The following RAVER2 variants were observed in gnomAD, a reference collection of about 807,000 sequenced individuals.
RAVER2 encodes the protein ribonucleoprotein, PTB binding 2.
A neutral mutation model predicts 78.1 loss-of-function variants in RAVER2; 46 were observed. The observed-to-expected ratio is 0.59, with a 90% CI of 0.46 to 0.75. The LOEUF (loss-of-function observed/expected upper bound fraction) is 0.75. Among genes scored for constraint, RAVER2 ranks in the 30% least tolerant of loss-of-function variants. The pLI, the probability that RAVER2 is intolerant of heterozygous loss-of-function variation, is 0.00. For missense variants in RAVER2, 793 were observed against 837.5 expected (o/e 0.95, Z 0.66); for synonymous variants, 311 against 313.3 (o/e 0.99, Z 0.08).
intron 1 of RAVER2, among the ~76,000 whole-genome samples, chr1:64,748,140 C>T (rs115442754): frequency 0.025 from 3,819 of 152,038 alleles, 54 homozygotes; most frequent in Non-Finnish European, 0.04. Context: ...ATAGAAGTAC[C>T]GGCTCTAAAA....
At chr1:64,804,763 A>G in exon 7 of RAVER2, 1 of 1,533,238 alleles carries the variant, frequency 6.5e-7, no homozygotes, top group Non-Finnish European at 9.0e-7. Context: ...CTTCTAATTT[A>G]TTCCTTCAGA....
exon 12 of RAVER2, chr1:64,832,298 T>G (rs1654166226): frequency 6.6e-6 from 1 of 152,508 alleles, no homozygotes; most frequent in Non-Finnish European, 1.5e-5. Flanking sequence ...GCTTTCTCTC[T>G]CACTCTTTTT....
chr1:64,789,457 C>T (rs1401475340), exon 5 of RAVER2: 3 of 1,609,650 alleles, frequency 1.9e-6, no homozygotes, highest in Non-Finnish European at 2.5e-6. Context: ...TTTAAACAAC[C>T]CTGCCATGTT....
chr1:64,814,944 A>G, intron 11 of RAVER2, 104 bp downstream of exon 11: 2 of 1,031,318 alleles, frequency 1.9e-6, no homozygotes, highest in Non-Finnish European at 2.6e-6. Flanking sequence ...AACGTAGGCA[A>G]ATCAAATTGC....
intron 1 of RAVER2, among the ~76,000 whole-genome samples, chr1:64,752,464 T>C (rs1300752761): frequency 6.6e-6 from 1 of 152,194 alleles, no homozygotes; most frequent in African/African-American, 2.4e-5. Context: ...AGATAGTCTC[T>C]TTTAAAAGTT....
At chr1:64,755,634 C>T (rs1651830431) in intron 1 of RAVER2, among the ~76,000 whole-genome samples, 1 of 151,048 alleles carries the variant, frequency 6.6e-6, no homozygotes, top group South Asian at 2.1e-4. Context: ...CCTTTATTTC[C>T]TGGACTTTGG....
intron 1 of RAVER2, among the ~76,000 whole-genome samples, chr1:64,763,980 T>G (rs1652104569): frequency 6.6e-6 from 1 of 150,570 alleles, no homozygotes; most frequent in Admixed American, 6.6e-5. Context: ...TTAGCAATTC[T>G]ACTCCTTAGT....
intron 11 of RAVER2, among the ~76,000 whole-genome samples, chr1:64,830,524 C>T (rs187214249): frequency 8.7e-4 from 132 of 152,226 alleles, no homozygotes; most frequent in African/African-American, 2.7e-3. Flanking sequence ...ATTCTGAGTC[C>T]GTGGGTTTAA....
At chr1:64,806,592 C>T (rs574956734) in intron 8 of RAVER2, among the ~76,000 whole-genome samples, 4 of 152,168 alleles carry the variant, frequency 2.6e-5, no homozygotes, top group South Asian at 2.1e-4. Context: ...AAAAAAAGGG[C>T]TTGATTTGTA....
intron 11 of RAVER2, chr1:64,815,261 A>T (rs1251528058): frequency 6.6e-6 from 1 of 152,282 alleles, no homozygotes; most frequent in Non-Finnish European, 1.5e-5. Flanking sequence ...TTTATAGAAA[A>T]ATGCTGCTAA....
intron 8 of RAVER2, 106 bp downstream of exon 8, chr1:64,805,211 T>C: frequency 9.6e-7 from 1 of 1,045,958 alleles, no homozygotes; most frequent in Non-Finnish European, 1.4e-6. Flanking sequence ...AAATTTGAGT[T>C]TTATTTAGTC....
rs530850953 is a variant in RAVER2, at chr1:64,773,311, A to T, written c.317-4312A>T. On this transcript the variant is annotated intron_variant, in intron 2 of 11. Transcript: ENST00000294428. ...CATCAACCCGTCATCTACATTAGGT[A>T]TTTCTCCTAATGCTATCCCTCCCCC... is the stretch of plus-strand genomic sequence containing the variant. 8.2e-4 allele frequency among the ~76,000 whole-genome samples: 124 copies of T among 151,932 alleles called. 1 individual carries two copies. The highest frequency in any genetic ancestry group is 8.1e-3 in the Admixed American group (123 of 15,232).
chr1:64,787,341 A>T (rs1652809481), intron 4 of RAVER2, among the ~76,000 whole-genome samples: 1 of 151,956 alleles, frequency 6.6e-6, no homozygotes, highest in African/African-American at 2.4e-5. Context: ...GGTTGTGGGG[A>T]AGGGGATGGG....
chr1:64,758,256 A>G (rs755896284), intron 1 of RAVER2, among the ~76,000 whole-genome samples: 1 of 152,184 alleles, frequency 6.6e-6, no homozygotes, highest in Non-Finnish European at 1.5e-5. Context: ...ATGGTCCCCC[A>G]TATTTTCTAC....
intron 1 of RAVER2, among the ~76,000 whole-genome samples, chr1:64,755,734 T>TTG (rs1553151544): frequency 7.0e-6 from 1 of 142,236 alleles, no homozygotes; most frequent in African/African-American, 2.6e-5. Context: ...GTTTTTTTTT[T>TTG]TTTTTTTTTT....
chr1:64,801,740 G>A (rs1471538839), intron 5 of RAVER2, among the ~76,000 whole-genome samples: 12 of 152,096 alleles, frequency 7.9e-5, no homozygotes, highest in African/African-American at 2.9e-4. Context: ...GGTTGTGAGC[G>A]CCTGTAATCC....
intron 3 of RAVER2, 65 bp from the exon 4 acceptor site, chr1:64,781,315 A>G (rs1652618671): frequency 4.3e-6 from 6 of 1,389,158 alleles, no homozygotes; most frequent in Admixed American, 2.3e-5. Context: ...TGAAAATTAT[A>G]TATCGTAAAT....
At chr1:64,790,123 G>A (rs1652895199) in intron 5 of RAVER2, among the ~76,000 whole-genome samples, 1 of 152,080 alleles carries the variant, frequency 6.6e-6, no homozygotes, top group Non-Finnish European at 1.5e-5. Flanking sequence ...GTCTGTTTTA[G>A]CATTATGAGG....
intron 11 of RAVER2, among the ~76,000 whole-genome samples, chr1:64,827,701 A>T (rs553904506): frequency 6.6e-6 from 1 of 152,316 alleles, no homozygotes; most frequent in East Asian, 1.9e-4. Flanking sequence ...CTCATCTGTA[A>T]GTTTCATGCT....
Sources: allele counts gnomAD v4.1 joint callset (sites outside exome capture counted in the v4.1 genomes callset), GRCh38; gene constraint gnomAD v4.1.1; transcripts MANE v1.5; gene names NCBI Gene and HGNC (gene_info 2026-07-23, HGNC 2026-07-21).